GPR160: variants seen among roughly 807,000 people sequenced by gnomAD.
GPR160 encodes probable G protein-coupled receptor 160.
In GPR160, 2 loss-of-function variants were observed where a neutral mutation model predicts 2.6. The ratio of observed to expected loss-of-function variants is 0.77; its 90% CI spans 0.32 to 2.44. GPR160 has a LOEUF of 2.44. Among genes scored for constraint, GPR160 ranks in the 30% most tolerant of loss-of-function variants. The pLI is 0.11. For missense variants in GPR160, 351 were observed against 383.6 expected, an observed-to-expected ratio of 0.91 and a Z score of 0.71; for synonymous variants, 130 against 132.2, an observed-to-expected ratio of 0.98 and a Z score of 0.12.
intron 2 of GPR160, among the ~76,000 whole-genome samples, chr3:170,047,480 A>G (rs1397028263): frequency 6.6e-6 from 1 of 152,092 alleles, no homozygotes; most frequent in Non-Finnish European, 1.5e-5. Flanking sequence ...TTGTTTTTTT[A>G]TAAATTTAAA....
chr3:170,071,067 C>T (rs544190019), intron 2 of GPR160, among the ~76,000 whole-genome samples: 6 of 147,718 alleles, frequency 4.1e-5, no homozygotes, highest in African/African-American at 7.6e-5. Flanking sequence ...CATAGGGATT[C>T]GTTTTTCTGT....
intron 2 of GPR160, chr3:170,077,952 T>C (rs1351089879): frequency 6.4e-6 from 1 of 156,168 alleles, no homozygotes; most frequent in Non-Finnish European, 1.4e-5. Context: ...AAGCCAGTAA[T>C]TGGAATTGGA....
chr3:170,054,703 G>A (rs533367612), intron 2 of GPR160, among the ~76,000 whole-genome samples: 2 of 151,936 alleles, frequency 1.3e-5, no homozygotes, highest in African/African-American at 2.4e-5. Flanking sequence ...ATATATATGG[G>A]ATCATATGAT....
intron 2 of GPR160, among the ~76,000 whole-genome samples, chr3:170,066,021 A>T (rs1240602265): frequency 6.6e-6 from 1 of 151,218 alleles, no homozygotes; most frequent in Non-Finnish European, 1.5e-5. Flanking sequence ...CCTCCTGAGT[A>T]GCTGGGATAT....
At chr3:170,079,683 C>G (rs1713032234) in intron 2 of GPR160, 91 bp from the exon 3 acceptor site, 1 of 152,144 alleles carries the variant, frequency 6.6e-6, no homozygotes, top group Non-Finnish European at 1.5e-5. Context: ...TACAATTTTT[C>G]TAAGCAGTGA....
intron 2 of GPR160, among the ~76,000 whole-genome samples, chr3:170,056,999 A>G (rs1711673969): frequency 6.6e-6 from 1 of 152,250 alleles, no homozygotes; most frequent in East Asian, 1.9e-4. Context: ...TCTCAGAACT[A>G]TGTTTAGCTT....
chr3:170,061,988 T>C (rs1170140076), intron 2 of GPR160, among the ~76,000 whole-genome samples: 1 of 151,818 alleles, frequency 6.6e-6, no homozygotes, highest in East Asian at 1.9e-4. Context: ...ATCTCTATGA[T>C]TTTAAAATAA....
chr3:170,048,941 G>A (rs968381614), intron 2 of GPR160, among the ~76,000 whole-genome samples: 6 of 152,006 alleles, frequency 3.9e-5, no homozygotes, highest in Non-Finnish European at 5.9e-5. Flanking sequence ...TTCAAGTTTC[G>A]GAAGTCTTAG....
intron 2 of GPR160, among the ~76,000 whole-genome samples, chr3:170,061,361 G>C (rs1463725281): frequency 6.6e-6 from 1 of 151,524 alleles, no homozygotes; most frequent in Non-Finnish European, 1.5e-5. Context: ...ACAAATATGT[G>C]ATCCTTGATT....
intron 2 of GPR160, among the ~76,000 whole-genome samples, chr3:170,048,045 T>C (rs1716801712): frequency 6.6e-6 from 1 of 152,140 alleles, no homozygotes; most frequent in Non-Finnish European, 1.5e-5. Context: ...GCCAGGCTGG[T>C]CTCGAACTCC....
chr3:170,073,881 A>ATTTTTTTTTT (rs35575462), intron 2 of GPR160, among the ~76,000 whole-genome samples: 3 of 81,882 alleles, frequency 3.7e-5, no homozygotes, highest in Non-Finnish European at 4.6e-5. Flanking sequence ...TTTAATAGGG[A>ATTTTTTTTTT]TTTTTTTTTT....
At chr3:170,069,233 G>C (rs1712478132) in intron 2 of GPR160, among the ~76,000 whole-genome samples, 1 of 152,152 alleles carries the variant, frequency 6.6e-6, no homozygotes, top group Admixed American at 6.5e-5. Flanking sequence ...GGACCTAACT[G>C]CTTATTTCAT....
intron 2 of GPR160, among the ~76,000 whole-genome samples, chr3:170,045,437 A>AAAAAAAAAAAAAAAAAC: frequency 9.5e-6 from 1 of 104,960 alleles, no homozygotes; most frequent in Non-Finnish European, 2.0e-5. Context: ...AAAAAAAAAA[A>AAAAAAAAAAAAAAAAAC]AAAAAAAAAA....
chr3:170,067,722 A>G (rs546208053), intron 2 of GPR160, among the ~76,000 whole-genome samples: 4 of 152,266 alleles, frequency 2.6e-5, no homozygotes, highest in African/African-American at 4.8e-5. Flanking sequence ...ACCCAAATGC[A>G]TATCTTTAGA....
rs150302517 is a variant in GPR160 at position 170,084,070 on chromosome 3, T to A, written c.98T>A (p.Leu33His). The change falls in exon 4 of 4, where the codon CTT becomes CAT. Residue 33 changes from leucine to histidine, a missense_variant. Leu to His is a moderately conservative substitution (Grantham distance 99). Transcript: ENST00000355897. ...AACTATCTGCTATTCTTGATCATAC[T>A]TGGGAAAATATTATTAAATATCCTT... is the stretch of plus-strand genomic sequence containing the variant. The part of the protein sequence containing the change: ...DVNYLLFLII[L>H]GKILLNILTL... 6.3e-6 allele frequency: 10 copies of A among 1,589,078 alleles called. No individual in the cohort carries two copies. The highest frequency in any genetic ancestry group is 8.6e-6 in the Non-Finnish European group (10 of 1,165,272).
chr3:170,067,872 T>C (rs2287481), intron 2 of GPR160, among the ~76,000 whole-genome samples: 39,216 of 152,138 alleles, frequency 0.26, 5,592 homozygotes, highest in East Asian at 0.49. Context: ...TTCCACAGTG[T>C]GAGTCTTGCT....
At chr3:170,062,922 AG>A in intron 2 of GPR160, 1 of 352,516 alleles carries the variant, frequency 2.8e-6, no homozygotes, top group Non-Finnish European at 5.3e-6. Flanking sequence ...GTGGTAGAAA[AG>A]CACCGGAGCC....
chr3:170,060,435 A>G (rs1197361566), intron 2 of GPR160, among the ~76,000 whole-genome samples: 1 of 152,216 alleles, frequency 6.6e-6, no homozygotes, highest in Non-Finnish European at 1.5e-5. Flanking sequence ...TAACAGTCTC[A>G]AAGTATTAAT....
At chr3:170,059,181 A>G (rs1711803637) in intron 2 of GPR160, among the ~76,000 whole-genome samples, 1 of 152,222 alleles carries the variant, frequency 6.6e-6, no homozygotes. Flanking sequence ...CTTTTTATAT[A>G]GTTTTGATTT....
Sources: gnomAD v4.1 joint callset for allele counts (sites outside exome capture counted in the v4.1 genomes callset) on GRCh38, gnomAD v4.1.1 for gene constraint, MANE v1.5 for transcripts, NCBI Gene and HGNC (gene_info 2026-07-23, HGNC 2026-07-21) for gene names.